Variants in ANK2 observed in about 807,000 individuals in gnomAD.
The protein encoded by ANK2 is ankyrin 2, also known as ankyrin-2.
In ANK2, 83 loss-of-function variants were observed where a neutral mutation model predicts 360.5. The observed-to-expected ratio is 0.23, with a 90% CI of 0.19 to 0.28. The LOEUF (loss-of-function observed/expected upper bound fraction) is 0.28. Ranked by LOEUF, ANK2 falls within the 10% of genes least tolerant of loss-of-function variation. ANK2 has a pLI of 1.00. For missense variants in ANK2, 4,201 were observed against 4,795.7 expected (o/e 0.88, Z 3.66); for synonymous variants, 1,740 against 1,759.5 (o/e 0.99, Z 0.28).
chr4:112,898,766 A>G (rs1049497370), intron 1 of ANK2, among the ~76,000 whole-genome samples: 1 of 152,232 alleles, frequency 6.6e-6, no homozygotes, highest in East Asian at 1.9e-4. Flanking sequence ...ATAGACGTAA[A>G]TAACTAAGCT....
chr4:112,840,519 G>A (rs148835338), intron 1 of ANK2, among the ~76,000 whole-genome samples: 358 of 152,226 alleles, frequency 2.4e-3, no homozygotes, highest in Non-Finnish European at 3.9e-3. Flanking sequence ...TGCTGGATGC[G>A]GGGATAAGGG....
chr4:112,959,568 G>T (rs966811566), intron 2 of ANK2, among the ~76,000 whole-genome samples: 1 of 152,182 alleles, frequency 6.6e-6, no homozygotes, highest in Non-Finnish European at 1.5e-5. Context: ...CATGTGATAG[G>T]TAGGTATATA....
At chr4:113,364,605 G>T (rs546096420) in intron 40 of ANK2, among the ~76,000 whole-genome samples, 1 of 152,186 alleles carries the variant, frequency 6.6e-6, no homozygotes, top group African/African-American at 2.4e-5. Context: ...ATAACATCCA[G>T]TCTACATTTA....
intron 1 of ANK2, among the ~76,000 whole-genome samples, chr4:112,900,374 G>C (rs1446640809): frequency 6.6e-6 from 1 of 151,802 alleles, no homozygotes; most frequent in African/African-American, 2.4e-5. Flanking sequence ...CAATTGGTTT[G>C]TTCAGATCAG....
chr4:113,128,270 A>C, intron 1 of ANK2, among the ~76,000 whole-genome samples: 1 of 152,176 alleles, frequency 6.6e-6, no homozygotes, highest in Admixed American at 6.5e-5. Context: ...TCATCTGTAA[A>C]CTGAGTTAAT....
intron 1 of ANK2, among the ~76,000 whole-genome samples, chr4:112,876,076 A>G (rs1293398588): frequency 1.3e-5 from 2 of 151,818 alleles, no homozygotes; most frequent in Non-Finnish European, 2.9e-5. Context: ...TTTTTTTTCA[A>G]TAGAACATTC....
At chr4:112,886,639 G>A (rs2078465399) in intron 1 of ANK2, among the ~76,000 whole-genome samples, 2 of 152,148 alleles carry the variant, frequency 1.3e-5, no homozygotes, top group Non-Finnish European at 2.9e-5. Flanking sequence ...TCCAGCTTGG[G>A]CGACAGAGCG....
At chr4:113,089,975 TTTG>T (rs1273511410) in intron 1 of ANK2, among the ~76,000 whole-genome samples, 14 of 152,322 alleles carry the variant, frequency 9.2e-5, no homozygotes, top group Non-Finnish European at 1.5e-4. Flanking sequence ...TATTAAGTGT[TTTG>T]TTGTTGTTTG....
At chr4:112,950,968 G>C (rs1224629643) in intron 2 of ANK2, among the ~76,000 whole-genome samples, 3 of 149,164 alleles carry the variant, frequency 2.0e-5, no homozygotes, top group East Asian at 2.0e-4. Flanking sequence ...TGTAGTCCCA[G>C]CTACTTGGGA....
At chr4:113,170,508 C>G (rs1046010736) in intron 1 of ANK2, among the ~76,000 whole-genome samples, 1 of 152,102 alleles carries the variant, frequency 6.6e-6, no homozygotes, top group African/African-American at 2.4e-5. Flanking sequence ...TGTTTATACT[C>G]ACATATAGGG....
intron 2 of ANK2, among the ~76,000 whole-genome samples, chr4:113,190,707 T>C (rs2098647026): frequency 6.6e-6 from 1 of 152,110 alleles, no homozygotes; most frequent in Non-Finnish European, 1.5e-5. Flanking sequence ...TGAGCCAGAA[T>C]CACCAGGTAG....
Position 113,357,329 on chromosome 4 carries a change from T to G in ANK2, c.8711T>G (p.Phe2904Cys). ...TCCATTACTACTCAAACAGATAGAT[T>G]TTCCATGGATGTTCCCGTGTCTGAC... is the stretch of plus-strand genomic sequence containing the variant. Reference protein sequence around the residue: ...DSSITTQTDRFSMDVPVSDLA... With the variant: ...DSSITTQTDRCSMDVPVSDLA... Residue 2904 changes from phenylalanine to cysteine, a missense_variant, in exon 38 of 46, where the codon TTT becomes TGT. By Grantham distance (205) the Phe-to-Cys change is radical. Coordinates refer to ENST00000357077, the MANE Select transcript of ANK2 (RefSeq NM_001148.6). The G allele has an allele frequency of 6.2e-7, 1 of 1,614,062 alleles. No individual in the cohort carries two copies. Among genetic ancestry groups the G allele is most frequent in the Non-Finnish European group, 8.5e-7 (1 of 1,179,972 alleles).
intron 1 of ANK2, among the ~76,000 whole-genome samples, chr4:112,819,584 G>A (rs1363609985): frequency 2.0e-5 from 3 of 152,068 alleles, no homozygotes; most frequent in Non-Finnish European, 1.5e-5. Flanking sequence ...CAACAGAAGA[G>A]AGCATGCCCC....
intron 1 of ANK2, among the ~76,000 whole-genome samples, chr4:113,147,028 T>C (rs1305311281): frequency 6.6e-6 from 1 of 152,138 alleles, no homozygotes; most frequent in East Asian, 1.9e-4. Flanking sequence ...TGTCAGACCA[T>C]AGTGAAACTA....
At chr4:112,737,438 A>G in the ANK2 span, among the ~76,000 whole-genome samples, 2 of 152,206 alleles carry the variant, frequency 1.3e-5, no homozygotes, top group Non-Finnish European at 2.9e-5. Flanking sequence ...TATCTCAATT[A>G]TCAGTTGCTG....
At chr4:112,749,340 A>T in the ANK2 span, among the ~76,000 whole-genome samples, 3 of 152,224 alleles carry the variant, frequency 2.0e-5, no homozygotes, top group Non-Finnish European at 2.9e-5. Flanking sequence ...CTCAAGAGTA[A>T]CGTGCATGTA....
Position 113,358,847 on chromosome 4 carries a change from A to G in ANK2, c.10229A>G (p.Tyr3410Cys), listed in dbSNP as rs752598077. 19 of 1,614,030 alleles carry G rather than the reference A, an allele frequency of 1.2e-5. No individual in the cohort carries two copies. In the African/African-American group the frequency reaches 2.3e-4, roughly 19 times the overall value. Residue 3410 changes from tyrosine (Y) to cysteine (C), a missense_variant, in exon 38 of 46, where the codon TAC (tyrosine) becomes TGC (cysteine). By Grantham distance (194) the Tyr-to-Cys change is radical. Coordinates refer to ENST00000357077, the MANE Select transcript of ANK2 (RefSeq NM_001148.6). ...AAATGCCCAGTAAAAACCCGAAGTT[A>G]CACTGAGACAGAAACAGAGAGCAGA... ...KTKCPVKTRSYTETETESRER... is the reference protein window; with the variant it reads ...KTKCPVKTRSCTETETESRER...
chr4:113,156,389 A>ATTTTTTTTTTTTC (rs1562481290), intron 1 of ANK2, among the ~76,000 whole-genome samples: 3 of 137,990 alleles, frequency 2.2e-5, no homozygotes, highest in African/African-American at 8.2e-5. Flanking sequence ...TTTGTTTTTG[A>ATTTTTTTTTTTTC]GACAGAGTTT....
chr4:113,241,485 A>G (rs1236932140), intron 8 of ANK2, among the ~76,000 whole-genome samples: 1 of 152,060 alleles, frequency 6.6e-6, no homozygotes, highest in Admixed American at 6.6e-5. Context: ...CTACAGGAAC[A>G]CACTACCATG....
Sources: allele counts gnomAD v4.1 joint callset (sites outside exome capture counted in the v4.1 genomes callset), GRCh38; gene constraint gnomAD v4.1.1; transcripts MANE v1.5; gene names NCBI Gene and HGNC (gene_info 2026-07-23, HGNC 2026-07-21).